The following FRMD6 variants were observed in gnomAD, a reference collection of about 807,000 sequenced individuals.
FRMD6 encodes the protein FERM domain containing 6.
In FRMD6, 37 loss-of-function variants were observed where a neutral mutation model predicts 73.2. The observed-to-expected ratio is 0.51, with a 90% CI of 0.39 to 0.66. The LOEUF (loss-of-function observed/expected upper bound fraction) is 0.66, where lower values mean the gene tolerates loss of function less well. Ranked by LOEUF, FRMD6 falls within the 30% of genes least tolerant of loss-of-function variation. The pLI, the probability that FRMD6 is intolerant of heterozygous loss-of-function variation, is 0.00. For missense variants in FRMD6, 714 were observed against 780.5 expected, an observed-to-expected ratio of 0.91 and a Z score of 1.02; for synonymous variants, 273 against 282.2, an observed-to-expected ratio of 0.97 and a Z score of 0.33.
chr14:51,423,789 C>T, the FRMD6 span, among the ~76,000 whole-genome samples: 8 of 152,314 alleles, frequency 5.3e-5, no homozygotes, highest in Non-Finnish European at 8.8e-5. Context: ...CCCCCCTTTT[C>T]ATCCTTACTC....
intron 11 of FRMD6, chr14:51,720,669 T>C (rs139356184): frequency 5.1e-4 from 230 of 452,716 alleles, no homozygotes; most frequent in African/African-American, 4.3e-3. Flanking sequence ...CCTGCTGCCC[T>C]TGTGTCTGTA....
the FRMD6 span, among the ~76,000 whole-genome samples, chr14:51,440,862 T>G: frequency 1.3e-5 from 2 of 152,194 alleles, no homozygotes; most frequent in Non-Finnish European, 2.9e-5. Context: ...TTCTTCAGAG[T>G]AGGACATTAA....
chr14:51,453,438 A>T, the FRMD6 span, among the ~76,000 whole-genome samples: 1 of 152,150 alleles, frequency 6.6e-6, no homozygotes, highest in Non-Finnish European at 1.5e-5. Flanking sequence ...GGAGATATTG[A>T]TGGAAATGGT....
intron 2 of FRMD6, among the ~76,000 whole-genome samples, chr14:51,583,279 A>T (rs1447221298): frequency 6.6e-6 from 1 of 152,146 alleles, no homozygotes; most frequent in Admixed American, 6.5e-5. Context: ...GGCCTCCCTT[A>T]CTGTCTTCAG....
At chr14:51,612,706 T>A (rs1302961005) in intron 2 of FRMD6, among the ~76,000 whole-genome samples, 2 of 152,240 alleles carry the variant, frequency 1.3e-5, no homozygotes, top group Non-Finnish European at 2.9e-5. Flanking sequence ...TAAGGCACCT[T>A]CAAACTCTTA....
intron 2 of FRMD6, among the ~76,000 whole-genome samples, chr14:51,645,561 G>A (rs970399212): frequency 6.6e-5 from 10 of 152,046 alleles, no homozygotes; most frequent in Admixed American, 3.3e-4. Context: ...AACCTCCTGA[G>A]GAGTAGCTGG....
At chr14:51,443,991 C>T in the FRMD6 span, among the ~76,000 whole-genome samples, 1 of 143,332 alleles carries the variant, frequency 7.0e-6, no homozygotes, top group East Asian at 2.1e-4. Flanking sequence ...TGCAATGGTG[C>T]AATCTTGGCT....
At chr14:51,430,045 A>G in the FRMD6 span, among the ~76,000 whole-genome samples, 2 of 152,346 alleles carry the variant, frequency 1.3e-5, no homozygotes, top group East Asian at 3.9e-4. Context: ...AGAAAGAAAA[A>G]GAAATAAAAT....
chr14:51,584,690 GTTTTGCT>G (rs1366863732), intron 2 of FRMD6, among the ~76,000 whole-genome samples: 1 of 151,872 alleles, frequency 6.6e-6, no homozygotes, highest in Non-Finnish European at 1.5e-5. Flanking sequence ...ATTTAACTCA[GTTTTGCT>G]TTAATATCCA....
chr14:51,424,759 A>G, the FRMD6 span, among the ~76,000 whole-genome samples: 1 of 152,240 alleles, frequency 6.6e-6, no homozygotes, highest in African/African-American at 2.4e-5. Flanking sequence ...TTGTATGGCT[A>G]TTTAGCAACA....
chr14:51,637,096 C>T (rs577709839), intron 2 of FRMD6, among the ~76,000 whole-genome samples: 1 of 152,112 alleles, frequency 6.6e-6, no homozygotes, highest in South Asian at 2.1e-4. Context: ...GTGGTGTACA[C>T]CTATAGTTCC....
intron 1 of FRMD6, among the ~76,000 whole-genome samples, chr14:51,655,883 G>T (rs1020380414): frequency 6.6e-6 from 1 of 152,130 alleles, no homozygotes; most frequent in Non-Finnish European, 1.5e-5. Flanking sequence ...GCAGGGACTG[G>T]ATGCTTATAA....
intron 1 of FRMD6, among the ~76,000 whole-genome samples, chr14:51,556,425 G>A (rs1887136765): frequency 6.6e-6 from 1 of 152,190 alleles, no homozygotes; most frequent in Admixed American, 6.5e-5. Flanking sequence ...CACATTGTGA[G>A]TAGGTGAGAG....
Position 51,720,391 on chromosome 14 carries a change from G to A in FRMD6, c.1360+1G>A. 1 of 1,610,284 alleles carries A rather than the reference G, an allele frequency of 6.2e-7. No homozygotes were observed. Among genetic ancestry groups the A allele is most frequent in the Non-Finnish European group, 8.5e-7 (1 of 1,177,722 alleles). On this transcript the variant is annotated splice_donor_variant, in intron 11 of 13. Transcript: ENST00000344768. LOFTEE classifies it high-confidence loss of function. ...CTGGAAGAGGACTTACAGGACGATGGTAACAGTACTGTCCCCTCACTGGCT... is the reference window on the plus strand; with the variant it reads ...CTGGAAGAGGACTTACAGGACGATGATAACAGTACTGTCCCCTCACTGGCT...
chr14:51,642,459 C>G (rs1231644168), intron 2 of FRMD6, among the ~76,000 whole-genome samples: 2 of 152,152 alleles, frequency 1.3e-5, no homozygotes, highest in Non-Finnish European at 2.9e-5. Flanking sequence ...ATTGCTTGAA[C>G]CCGGAGGTGG....
chr14:51,453,295 C>T, the FRMD6 span, among the ~76,000 whole-genome samples: 3 of 151,850 alleles, frequency 2.0e-5, no homozygotes, highest in Non-Finnish European at 2.9e-5. Context: ...CAGGGAGGAT[C>T]CAACATACTC....
chr14:51,657,987 C>A (rs1005416376), intron 1 of FRMD6, among the ~76,000 whole-genome samples: 7 of 152,168 alleles, frequency 4.6e-5, no homozygotes, highest in Non-Finnish European at 2.9e-5. Context: ...CTCTGACTCT[C>A]AATCTTGTCT....
the FRMD6 span, among the ~76,000 whole-genome samples, chr14:51,441,242 A>G: frequency 1.3e-5 from 2 of 152,360 alleles, no homozygotes; most frequent in African/African-American, 2.4e-5. Context: ...ATGCTCCACA[A>G]CCTGGAACTG....
upstream of FRMD6, chr14:51,650,059 C>G (rs1283879854): frequency 6.6e-6 from 1 of 152,164 alleles, no homozygotes; most frequent in African/African-American, 2.4e-5. Flanking sequence ...AAAAGGCAGT[C>G]ATTGAAACAT....
Sources: allele counts gnomAD v4.1 joint callset (sites outside exome capture counted in the v4.1 genomes callset), GRCh38; gene constraint gnomAD v4.1.1; transcripts MANE v1.5; gene names NCBI Gene and HGNC (gene_info 2026-07-23, HGNC 2026-07-21).